The following THSD7B variants were observed in gnomAD, a reference collection of about 807,000 sequenced individuals.
The protein encoded by THSD7B is thrombospondin type 1 domain containing 7B, also known as thrombospondin type-1 domain-containing protein 7B.
A neutral mutation model predicts 213.6 loss-of-function variants in THSD7B; 138 were observed. That is an observed-to-expected ratio of 0.65 (90% CI 0.56 to 0.74). THSD7B has a LOEUF of 0.74. THSD7B is among the 30% of genes least tolerant of loss of function. The pLI, the probability that THSD7B is intolerant of heterozygous loss-of-function variation, is 0.00. For synonymous variants in THSD7B, 742 were observed against 687.0 expected, an observed-to-expected ratio of 1.08 and a Z score of -1.25; for missense variants, 1,931 against 1,991.5, an observed-to-expected ratio of 0.97 and a Z score of 0.58.
intron 2 of THSD7B, among the ~76,000 whole-genome samples, chr2:137,052,707 T>A (rs189103311): frequency 1.3e-5 from 2 of 152,304 alleles, no homozygotes; most frequent in East Asian, 3.9e-4. Flanking sequence ...ACATTTTACT[T>A]CAATATTCAT....
chr2:137,047,073 CA>C (rs1025340001), intron 2 of THSD7B, among the ~76,000 whole-genome samples: 3 of 152,088 alleles, frequency 2.0e-5, no homozygotes, highest in African/African-American at 7.2e-5. Context: ...TATAGGACCA[CA>C]ATAGGGAAAA....
intron 17 of THSD7B, 150 bp downstream of exon 17, chr2:137,572,706 A>C (rs76338769): frequency 0.014 from 14,270 of 1,040,250 alleles, 436 homozygotes; most frequent in East Asian, 0.091. Context: ...AGAAAGAAAA[A>C]AAGAAAAAAA....
intron 9 of THSD7B, among the ~76,000 whole-genome samples, chr2:137,238,842 C>A (rs1370975393): frequency 6.6e-6 from 1 of 151,654 alleles, no homozygotes; most frequent in Non-Finnish European, 1.5e-5. Flanking sequence ...CGTGAGCCAC[C>A]GCGCCCGGCC....
At chr2:137,213,495 T>G (rs1220680090) in intron 7 of THSD7B, among the ~76,000 whole-genome samples, 1 of 148,634 alleles carries the variant, frequency 6.7e-6, no homozygotes, top group Non-Finnish European at 1.5e-5. Context: ...TTATATGTAT[T>G]ATAATATGCT....
Position 137,344,064 on chromosome 2 carries a change from C to T in THSD7B, c.2501-61549C>T, listed in dbSNP as rs962633639. On this transcript the variant is annotated intron_variant, in intron 12 of 27. Transcript: ENST00000409968. ...ACCTGGGCCACTGACCAGTATTGGC[C>T]GCATTAGATTCTCACAGGAGAGCAA... 5.3e-5 allele frequency among the ~76,000 whole-genome samples: 8 copies of T among 151,722 alleles called. 1 individual carries two copies. Among genetic ancestry groups the T allele is most frequent in the Middle Eastern group, 3.4e-3 (1 of 292 alleles).
At chr2:137,629,004 G>A (rs926913010) in intron 20 of THSD7B, among the ~76,000 whole-genome samples, 4 of 152,168 alleles carry the variant, frequency 2.6e-5, no homozygotes, top group African/African-American at 7.2e-5. Context: ...CCATTTTCAT[G>A]TCTGTCTTTC....
chr2:137,670,920 CAAAAAAAAAAAAAAA>C (rs530737012), intron 27 of THSD7B, among the ~76,000 whole-genome samples: 62 of 102,804 alleles, frequency 6.0e-4, no homozygotes, highest in African/African-American at 1.5e-3. Context: ...GACTCCGCCT[CAAAAAAAAAAAAAAA>C]AAAAAAAAAA....
intron 2 of THSD7B, among the ~76,000 whole-genome samples, chr2:136,912,679 T>C (rs35352940): frequency 0.41 from 62,084 of 152,104 alleles, 14,904 homozygotes; most frequent in Non-Finnish European, 0.55. Context: ...CTTGTGATAA[T>C]GAATAAGTCT....
At chr2:137,623,698 G>A (rs1682566656) in intron 20 of THSD7B, among the ~76,000 whole-genome samples, 1 of 152,138 alleles carries the variant, frequency 6.6e-6, no homozygotes, top group African/African-American at 2.4e-5. Context: ...GACAAACAGA[G>A]AGCCAAATCA....
intron 10 of THSD7B, among the ~76,000 whole-genome samples, chr2:137,248,951 A>C (rs891085639): frequency 6.6e-6 from 1 of 152,192 alleles, no homozygotes; most frequent in African/African-American, 2.4e-5. Flanking sequence ...GCTCTGATAC[A>C]TGAGTGCAGG....
At chr2:137,245,166 T>A (rs983231222) in intron 10 of THSD7B, among the ~76,000 whole-genome samples, 1 of 151,582 alleles carries the variant, frequency 6.6e-6, no homozygotes, top group Admixed American at 6.6e-5. Context: ...ATGTATCTTG[T>A]TTTTTTTCCC....
At chr2:136,950,227 G>A (rs563029009) in intron 2 of THSD7B, among the ~76,000 whole-genome samples, 7 of 152,020 alleles carry the variant, frequency 4.6e-5, no homozygotes, top group East Asian at 3.9e-4. Flanking sequence ...ACTCTAGCCT[G>A]GGCGACAGAG....
intron 12 of THSD7B, among the ~76,000 whole-genome samples, chr2:137,397,408 TC>T (rs1686221532): frequency 6.6e-6 from 1 of 152,056 alleles, no homozygotes; most frequent in African/African-American, 2.4e-5. Flanking sequence ...GGATTTTATT[TC>T]TCCTTCACTT....
chr2:136,991,786 C>G (rs1359975724), intron 2 of THSD7B, among the ~76,000 whole-genome samples: 3 of 152,166 alleles, frequency 2.0e-5, no homozygotes. Flanking sequence ...CACTTCTTTT[C>G]TTCAGATTCT....
intron 17 of THSD7B, among the ~76,000 whole-genome samples, chr2:137,599,130 G>A (rs987211064): frequency 6.8e-6 from 1 of 147,840 alleles, no homozygotes; most frequent in South Asian, 2.1e-4. Flanking sequence ...GAGAATATAC[G>A]GTGTTTGGTT....
At chr2:137,503,143 T>C (rs1679748954) in intron 15 of THSD7B, among the ~76,000 whole-genome samples, 1 of 152,230 alleles carries the variant, frequency 6.6e-6, no homozygotes, top group South Asian at 2.1e-4. Context: ...AGCATACCAT[T>C]GTTATAACTC....
chr2:137,414,903 A>T (rs2105017476), intron 14 of THSD7B, among the ~76,000 whole-genome samples: 1 of 152,076 alleles, frequency 6.6e-6, no homozygotes, highest in African/African-American at 2.4e-5. Context: ...TAAAAATACA[A>T]AAATTAGCCA....
chr2:136,988,739 G>C lies in THSD7B; in HGVS notation c.140-67681G>C, dbSNP rs559468127. On this transcript the variant is annotated intron_variant, in intron 2 of 27. Coordinates refer to ENST00000409968, the MANE Select transcript of THSD7B (RefSeq NM_001316349.2). Reference sequence around the variant, plus strand: ...TTTTTCTGTTTTCCATTCAAAATCTGCTCCACTCCTGCTTAACCAAAAAAT... The same window carrying C: ...TTTTTCTGTTTTCCATTCAAAATCTCCTCCACTCCTGCTTAACCAAAAAAT... 2.6e-5 allele frequency among the ~76,000 whole-genome samples: 4 copies of C among 152,246 alleles called. No individual in the cohort carries two copies. The East Asian group carries it at 7.7e-4, about 29-fold the overall frequency.
intron 12 of THSD7B, among the ~76,000 whole-genome samples, chr2:137,293,244 T>C (rs1683380829): frequency 4.6e-5 from 7 of 151,960 alleles, no homozygotes. Flanking sequence ...GCTCAAGGGA[T>C]TCTTTCACCT....
Sources: allele counts gnomAD v4.1 joint callset (sites outside exome capture counted in the v4.1 genomes callset), GRCh38; gene constraint gnomAD v4.1.1; transcripts MANE v1.5; gene names NCBI Gene and HGNC (gene_info 2026-07-23, HGNC 2026-07-21).